ADAM9: variants seen among roughly 807,000 people sequenced by gnomAD.
ADAM9 encodes ADAM metallopeptidase domain 9.
Under a neutral mutation model 108.1 loss-of-function variants are expected in ADAM9, and 54 were observed. That is an observed-to-expected ratio of 0.50 (90% CI 0.40 to 0.63). The LOEUF (loss-of-function observed/expected upper bound fraction) is 0.63. Among genes scored for constraint, ADAM9 ranks in the 20% least tolerant of loss-of-function variants. The pLI is 0.00. For synonymous variants in ADAM9, 316 were observed against 336.0 expected (o/e 0.94, Z 0.65); for missense variants, 830 against 997.7 (o/e 0.83, Z 2.26).
At chr8:39,013,932 A>G (rs1212520284) in intron 3 of ADAM9, 33 bp from the exon 4 acceptor site, 2 of 1,521,456 alleles carry the variant, frequency 1.3e-6, no homozygotes, top group South Asian at 1.1e-5. Flanking sequence ...GATAGATAAC[A>G]TATATATAAA....
chr8:39,006,704 A>ACT (rs1224430528), intron 1 of ADAM9, among the ~76,000 whole-genome samples: 1 of 151,822 alleles, frequency 6.6e-6, no homozygotes, highest in Non-Finnish European at 1.5e-5. Context: ...TTTTGATTAT[A>ACT]CTCAATTTCA....
rs139793278 is a variant in ADAM9 at position 39,039,518 on chromosome 8, A to G, written c.1131-2428A>G. ...ATCTCTAGACTTGTTTGTCTTACATATCTGCTACTTTGTATCAGACCTACA... is the reference window on the plus strand; with the variant it reads ...ATCTCTAGACTTGTTTGTCTTACATGTCTGCTACTTTGTATCAGACCTACA... On this transcript the variant is annotated intron_variant, in intron 11 of 21. Transcript: ENST00000487273. Among the ~76,000 whole-genome samples the G allele has an allele frequency of 7.2e-5, 11 of 152,322 alleles. No homozygotes were observed. The East Asian group carries it at 1.9e-3, about 27-fold the overall frequency.
chr8:39,060,010 A>G (rs1838248467), intron 14 of ADAM9, among the ~76,000 whole-genome samples: 1 of 152,138 alleles, frequency 6.6e-6, no homozygotes, highest in African/African-American at 2.4e-5. Flanking sequence ...CCATTTCATG[A>G]TGGGGTGCTG....
intron 11 of ADAM9, among the ~76,000 whole-genome samples, chr8:39,034,663 C>T (rs1444681813): frequency 2.0e-5 from 3 of 152,086 alleles, no homozygotes; most frequent in African/African-American, 7.2e-5. Context: ...AATCGTAGAT[C>T]ATCAGTTATT....
At chr8:39,035,161 A>T (rs1221461556) in intron 11 of ADAM9, among the ~76,000 whole-genome samples, 3 of 151,902 alleles carry the variant, frequency 2.0e-5, no homozygotes, top group African/African-American at 7.3e-5. Context: ...TCTTCTGTGT[A>T]ATTTCTTCTG....
intron 6 of ADAM9, 98 bp from the exon 7 acceptor site, chr8:39,018,755 G>A: frequency 9.5e-7 from 1 of 1,051,542 alleles, no homozygotes; most frequent in East Asian, 2.4e-5. Context: ...ATAATTTTAT[G>A]ATGTTCTTAG....
chr8:39,045,234 A>G (rs13252101), intron 12 of ADAM9, among the ~76,000 whole-genome samples: 6 of 146,538 alleles, frequency 4.1e-5, no homozygotes, highest in African/African-American at 9.9e-5. Context: ...ATGTGTATAT[A>G]TGTGTATACA....
intron 18 of ADAM9, among the ~76,000 whole-genome samples, chr8:39,086,744 T>C (rs1839191471): frequency 6.6e-6 from 1 of 152,220 alleles, no homozygotes. Context: ...AGGTTTGTAC[T>C]AGTATGTTTG....
intron 1 of ADAM9, among the ~76,000 whole-genome samples, chr8:38,998,416 A>G: frequency 6.6e-6 from 1 of 152,166 alleles, no homozygotes. Flanking sequence ...GTGTTTGTAA[A>G]TGTAAATAAG....
chr8:39,016,027 G>A (rs1465766707), intron 4 of ADAM9, 91 bp from the exon 5 acceptor site: 6 of 1,170,136 alleles, frequency 5.1e-6, no homozygotes, highest in Non-Finnish European at 6.4e-6. Context: ...AAACTTGACT[G>A]GCCTAAAGTA....
chr8:39,047,275 G>A (rs549071842), intron 12 of ADAM9, among the ~76,000 whole-genome samples: 1 of 152,196 alleles, frequency 6.6e-6, no homozygotes, highest in South Asian at 2.1e-4. Flanking sequence ...TTGGCATATT[G>A]GCCTTGGTGA....
intron 11 of ADAM9, among the ~76,000 whole-genome samples, chr8:39,036,131 C>T (rs1837266965): frequency 6.6e-6 from 1 of 151,776 alleles, no homozygotes; most frequent in Non-Finnish European, 1.5e-5. Context: ...GATAATCTAC[C>T]CTCGTAATAA....
intron 1 of ADAM9, among the ~76,000 whole-genome samples, chr8:38,999,159 A>G (rs929717602): frequency 6.6e-6 from 1 of 152,206 alleles, no homozygotes; most frequent in African/African-American, 2.4e-5. Context: ...TAAGGTGTTT[A>G]AAACGTGCAC....
At chr8:39,050,538 T>A (rs552583717) in intron 12 of ADAM9, among the ~76,000 whole-genome samples, 128 of 152,192 alleles carry the variant, frequency 8.4e-4, no homozygotes, top group African/African-American at 2.8e-3. Flanking sequence ...TGATCTGCTG[T>A]TGAACTCCTC....
chr8:39,053,429 T>G (rs1838019277), intron 12 of ADAM9, among the ~76,000 whole-genome samples: 2 of 152,304 alleles, frequency 1.3e-5, no homozygotes, highest in African/African-American at 4.8e-5. Context: ...CCTAGAAGTT[T>G]TATAGTTTTA....
intron 9 of ADAM9, 54 bp downstream of exon 9, chr8:39,023,379 T>C (rs1293263930): frequency 6.6e-7 from 1 of 1,525,572 alleles, no homozygotes; most frequent in African/African-American, 1.4e-5. Context: ...TAATAATTTT[T>C]GCTTATTTTC....
intron 7 of ADAM9, among the ~76,000 whole-genome samples, chr8:39,019,575 G>A (rs1836666487): frequency 6.6e-6 from 1 of 152,056 alleles, no homozygotes; most frequent in African/African-American, 2.4e-5. Flanking sequence ...ACATGTTTAG[G>A]GGGTACAGGT....
At chr8:39,078,362 C>CA (rs56899480) in intron 16 of ADAM9, among the ~76,000 whole-genome samples, 20,199 of 132,064 alleles carry the variant, frequency 0.15, 3,100 homozygotes, top group African/African-American at 0.4. Context: ...GACTCTGTCT[C>CA]AAAAAAAAAA....
intron 20 of ADAM9, among the ~76,000 whole-genome samples, chr8:39,094,349 A>T (rs928586406): frequency 2.0e-5 from 3 of 152,106 alleles, no homozygotes; most frequent in Non-Finnish European, 4.4e-5. Flanking sequence ...AGATTTTTGC[A>T]TCTGTGTTCA....
Sources: allele counts gnomAD v4.1 joint callset (sites outside exome capture counted in the v4.1 genomes callset), GRCh38; gene constraint gnomAD v4.1.1; transcripts MANE v1.5; gene names NCBI Gene and HGNC (gene_info 2026-07-23, HGNC 2026-07-21).